The following PCDHA1 variants were observed in gnomAD, a reference collection of about 807,000 sequenced individuals.
The protein encoded by PCDHA1 is protocadherin alpha-1.
In PCDHA1, 42 loss-of-function variants were observed where a neutral mutation model predicts 61.3. The observed-to-expected ratio is 0.69, with a 90% CI of 0.54 to 0.89. The LOEUF (loss-of-function observed/expected upper bound fraction) is 0.89. Ranked by LOEUF, PCDHA1 falls within the 40% of genes least tolerant of loss-of-function variation. PCDHA1 has a pLI of 0.00. For missense variants in PCDHA1, 1,256 were observed against 1,235.3 expected, an observed-to-expected ratio of 1.02 and a Z score of -0.25; for synonymous variants, 610 against 553.8, an observed-to-expected ratio of 1.10 and a Z score of -1.43.
Position 140,904,868 on chromosome 5 carries a change from C to T in PCDHA1, c.2395-74081C>T, listed in dbSNP as rs188578381. 2.9e-3 allele frequency among the ~76,000 whole-genome samples: 446 copies of T among 152,022 alleles called. 2 individuals are homozygous for T. Among genetic ancestry groups the T allele is most frequent in the Middle Eastern group, 0.014 (4 of 294 alleles). Reference sequence around the variant, plus strand: ...TCTTCTGAGAATTGTCTGTTTATGTCCTTAGCTCACTTTTTGATGGGATTT... The same window carrying T: ...TCTTCTGAGAATTGTCTGTTTATGTTCTTAGCTCACTTTTTGATGGGATTT... On this transcript the variant is annotated intron_variant, in intron 1 of 3. Transcript: ENST00000504120.
rs1478499072 is a variant in PCDHA1 at position 140,882,356 on chromosome 5, C to T, written c.2394+93672C>T. 4 of 1,614,070 alleles carry T rather than the reference C, an allele frequency of 2.5e-6. No individual in the cohort carries two copies. The Admixed American group carries it at 5.0e-5, about 20-fold the overall frequency. On this transcript the variant is annotated intron_variant, in intron 1 of 3. Coordinates refer to ENST00000504120, the MANE Select transcript of PCDHA1 (RefSeq NM_018900.4). ...CGCAGCCTGGGAGACGGGTAGTGGC[C>T]AGCTCCACTACTCCGTCCCCGAGGA... is the stretch of plus-strand genomic sequence containing the variant.
Position 141,011,543 on chromosome 5 carries a change from G to T in PCDHA1, c.*1606G>T, listed in dbSNP as rs1478395558. The stretch of plus-strand genomic sequence containing the variant: ...TTTTAACCATTGTTAATCAGCTTTT[G>T]TGTATGAAAGACACAGTAAAATTTC... On this transcript the variant is annotated 3_prime_UTR_variant, in exon 4 of 4. Coordinates refer to ENST00000504120, the MANE Select transcript of PCDHA1 (RefSeq NM_018900.4). 1.3e-5 allele frequency: 2 copies of T among 153,468 alleles called. No individual in the cohort carries two copies. Among genetic ancestry groups the T allele is most frequent in the African/African-American group, 4.8e-5 (2 of 41,376 alleles). The allele number at this position is 153,468 out of a possible 1,614,324, so 9.5% of individuals were successfully genotyped here. A position where few individuals can be genotyped will look rare whatever the true frequency, so the allele number is the denominator to read the frequency against.
chr5:140,848,485 G>C (rs1386369016), intron 1 of PCDHA1: 1 of 1,573,026 alleles, frequency 6.4e-7, no homozygotes, highest in Non-Finnish European at 8.7e-7. Flanking sequence ...GAAGAAGACT[G>C]AGTATTTGAA....
intron 1 of PCDHA1, chr5:140,849,562 C>G (rs1188964395): frequency 6.3e-7 from 1 of 1,598,438 alleles, no homozygotes; most frequent in Non-Finnish European, 8.6e-7. Context: ...AAAACGCTCT[C>G]GGTTCCTGTA....
intron 1 of PCDHA1, among the ~76,000 whole-genome samples, chr5:140,965,140 TG>T (rs1191631396): frequency 2.0e-5 from 3 of 152,150 alleles, no homozygotes; most frequent in Non-Finnish European, 4.4e-5. Flanking sequence ...GACAGAATAC[TG>T]GGAGATGAAG....
At chr5:140,830,696 C>T (rs2150102603) in intron 1 of PCDHA1, 2 of 283,892 alleles carry the variant, frequency 7.0e-6, no homozygotes, top group East Asian at 1.4e-4. Flanking sequence ...CAATCTGCAC[C>T]TCAGAATTTT....
At chr5:140,943,974 T>G (rs1356208474) in intron 1 of PCDHA1, among the ~76,000 whole-genome samples, 2 of 152,022 alleles carry the variant, frequency 1.3e-5, no homozygotes, top group African/African-American at 4.8e-5. Flanking sequence ...TTAAAGTAAT[T>G]AAGAAAACAG....
intron 1 of PCDHA1, among the ~76,000 whole-genome samples, chr5:140,798,441 A>T (rs1270058806): frequency 1.3e-5 from 2 of 152,174 alleles, no homozygotes; most frequent in Non-Finnish European, 2.9e-5. Context: ...TAAAAATCAC[A>T]CTGGGGTTTT....
At chr5:140,845,489 T>C (rs1779894647) in intron 1 of PCDHA1, among the ~76,000 whole-genome samples, 1 of 149,700 alleles carries the variant, frequency 6.7e-6, no homozygotes, top group Non-Finnish European at 1.5e-5. Context: ...GCTTTCACAG[T>C]GAGAAAGTCT....
chr5:140,918,750 CAG>C (rs2078839943), intron 1 of PCDHA1, among the ~76,000 whole-genome samples: 1 of 152,070 alleles, frequency 6.6e-6, no homozygotes, highest in African/African-American at 2.4e-5. Flanking sequence ...AAAAGAGGCC[CAG>C]AGAGGTGCCT....
At chr5:140,836,227 C>T in intron 1 of PCDHA1, 2 of 1,613,736 alleles carry the variant, frequency 1.2e-6, no homozygotes, top group South Asian at 1.1e-5. Context: ...CAACCGGTGG[C>T]GGCCGGTGCG....
At chr5:140,967,113 G>T in intron 1 of PCDHA1, 1 of 1,612,880 alleles carries the variant, frequency 6.2e-7, no homozygotes, top group Non-Finnish European at 8.5e-7. Flanking sequence ...CAGCGGCCTC[G>T]CTGCCTGCTC....
At chr5:140,906,253 A>C (rs1049653184) in intron 1 of PCDHA1, among the ~76,000 whole-genome samples, 5 of 152,064 alleles carry the variant, frequency 3.3e-5, no homozygotes, top group South Asian at 2.1e-4. Flanking sequence ...ACCCATACAC[A>C]CCTCCTGAAA....
At chr5:140,948,793 A>AT (rs1351130459) in intron 1 of PCDHA1, among the ~76,000 whole-genome samples, 1 of 150,328 alleles carries the variant, frequency 6.7e-6, no homozygotes, top group Non-Finnish European at 1.5e-5. Flanking sequence ...TTGTTGATAT[A>AT]TTTTCTATTG....
intron 1 of PCDHA1, among the ~76,000 whole-genome samples, chr5:140,923,800 T>C (rs1235494729): frequency 2.0e-5 from 3 of 152,178 alleles, no homozygotes; most frequent in Non-Finnish European, 4.4e-5. Flanking sequence ...TTTTCACAAA[T>C]GAAATCTTCT....
intron 3 of PCDHA1, among the ~76,000 whole-genome samples, chr5:140,995,181 T>G (rs1443897354): frequency 6.6e-6 from 1 of 152,186 alleles, no homozygotes; most frequent in Non-Finnish European, 1.5e-5. Context: ...GGTGCACCTA[T>G]GATAAAGTTT....
At chr5:140,886,276 A>T (rs1352172114) in intron 1 of PCDHA1, among the ~76,000 whole-genome samples, 3 of 152,062 alleles carry the variant, frequency 2.0e-5, no homozygotes, top group Admixed American at 1.3e-4. Flanking sequence ...AAAATTTTTT[A>T]AAATTATTTT....
chr5:140,856,653 A>G (rs2044134498), intron 1 of PCDHA1: 1 of 1,598,162 alleles, frequency 6.3e-7, no homozygotes, highest in Admixed American at 1.7e-5. Flanking sequence ...CTGGATCGTG[A>G]AGAAAATCCT....
chr5:140,829,381 G>A (rs2150166852), intron 1 of PCDHA1: 10 of 1,614,200 alleles, frequency 6.2e-6, no homozygotes, highest in African/African-American at 1.3e-5. Context: ...CGCGGGACGG[G>A]GGCTCGCCTT....
Sources: gnomAD v4.1 joint callset for allele counts (sites outside exome capture counted in the v4.1 genomes callset) on GRCh38, gnomAD v4.1.1 for gene constraint, MANE v1.5 for transcripts, NCBI Gene and HGNC (gene_info 2026-07-23, HGNC 2026-07-21) for gene names.